The following CPPED1 variants were observed in gnomAD, a reference collection of about 807,000 sequenced individuals.
The protein encoded by CPPED1 is serine/threonine-protein phosphatase CPPED1.
Under a neutral mutation model 28.0 loss-of-function variants are expected in CPPED1, and 28 were observed. The ratio of observed to expected loss-of-function variants is 1.00; its 90% CI spans 0.74 to 1.37. The LOEUF is 1.37. CPPED1 is among the 40% of genes most tolerant of loss of function. The probability of loss-of-function intolerance (pLI) is 0.00; values close to 1 mark genes in which losing one functional copy is unlikely to be tolerated. For missense variants in CPPED1, 504 were observed against 416.5 expected, an observed-to-expected ratio of 1.21 and a Z score of -1.83; for synonymous variants, 198 against 180.2, an observed-to-expected ratio of 1.10 and a Z score of -0.79.
intron 1 of CPPED1, among the ~76,000 whole-genome samples, chr16:12,802,026 G>C (rs2080663171): frequency 6.6e-6 from 1 of 152,100 alleles, no homozygotes; most frequent in African/African-American, 2.4e-5. Flanking sequence ...AATAAATACA[G>C]CTGCCTTTTG....
chr16:12,742,286 G>A (rs1326420576), intron 2 of CPPED1, among the ~76,000 whole-genome samples: 1 of 152,076 alleles, frequency 6.6e-6, no homozygotes, highest in Non-Finnish European at 1.5e-5. Context: ...GTTGCATAGC[G>A]TGACATGTTA....
rs1567308325 is a variant in CPPED1 at position 12,793,555 on chromosome 16, A to AGGAGAATATCT, written c.70+10151_70+10152insAGATATTCTCC. 2.0e-5 allele frequency among the ~76,000 whole-genome samples: 3 copies of AGGAGAATATCT among 152,298 alleles called. No homozygotes were observed. In the East Asian group the frequency reaches 5.8e-4, roughly 29 times the overall value. ...TCTGGGACTCAGTCTCCTTATCTGCACAGTAGGAATAACAGCTCCTACCTC... is the reference window on the plus strand; with the variant it reads ...TCTGGGACTCAGTCTCCTTATCTGCAGGAGAATATCTCAGTAGGAATAACAGCTCCTACCTC... On this transcript the variant is annotated intron_variant, in intron 1 of 3. Coordinates refer to ENST00000381774, the MANE Select transcript of CPPED1 (RefSeq NM_018340.3).
At chr16:12,728,786 G>T (rs1298607829) in intron 2 of CPPED1, among the ~76,000 whole-genome samples, 2 of 152,206 alleles carry the variant, frequency 1.3e-5, no homozygotes, top group Admixed American at 1.3e-4. Context: ...GGCCTGGCCA[G>T]TTCTGTGAGG....
chr16:12,800,960 C>T (rs933376081), intron 1 of CPPED1, among the ~76,000 whole-genome samples: 1 of 152,170 alleles, frequency 6.6e-6, no homozygotes. Flanking sequence ...TTTTTGTGCC[C>T]TAGCTTTGTA....
chr16:12,794,842 GC>G (rs1166996052), intron 1 of CPPED1, among the ~76,000 whole-genome samples: 1 of 152,152 alleles, frequency 6.6e-6, no homozygotes, highest in Non-Finnish European at 1.5e-5. Flanking sequence ...CTGAGTCATG[GC>G]TTGGCTGCCA....
chr16:12,783,270 G>A (rs929844957), intron 1 of CPPED1, among the ~76,000 whole-genome samples: 1 of 152,186 alleles, frequency 6.6e-6, no homozygotes, highest in Non-Finnish European at 1.5e-5. Flanking sequence ...GGCCAAGGCG[G>A]GCAGATTACT....
chr16:12,737,853 T>C (rs1414749024), intron 2 of CPPED1, among the ~76,000 whole-genome samples: 2 of 152,200 alleles, frequency 1.3e-5, no homozygotes, highest in East Asian at 1.9e-4. Context: ...CTTCTTGGTC[T>C]TCTTGGCATT....
intron 3 of CPPED1, among the ~76,000 whole-genome samples, chr16:12,697,234 A>C (rs2079996247): frequency 1.3e-5 from 2 of 152,278 alleles, no homozygotes; most frequent in South Asian, 4.2e-4. Context: ...CATGTTGGCC[A>C]GGCTGGTCTC....
At chr16:12,694,576 A>T (rs1169248018) in intron 3 of CPPED1, among the ~76,000 whole-genome samples, 2 of 152,182 alleles carry the variant, frequency 1.3e-5, no homozygotes, top group Non-Finnish European at 2.9e-5. Context: ...CTAGTGTGTG[A>T]TGTTTTGCGG....
intron 2 of CPPED1, among the ~76,000 whole-genome samples, chr16:12,735,955 G>C (rs2080224583): frequency 6.6e-6 from 1 of 152,168 alleles, no homozygotes; most frequent in Non-Finnish European, 1.5e-5. Context: ...GTTACACCTG[G>C]AGACCATTAT....
intron 2 of CPPED1, among the ~76,000 whole-genome samples, chr16:12,749,233 C>G (rs1472623840): frequency 6.6e-6 from 1 of 152,232 alleles, no homozygotes; most frequent in Admixed American, 6.5e-5. Flanking sequence ...AGTGAATTAT[C>G]TGAAACAATG....
chr16:12,726,342 T>C (rs1397074446), intron 2 of CPPED1, among the ~76,000 whole-genome samples: 2 of 5,490 alleles, frequency 3.6e-4, no homozygotes, highest in East Asian at 2.7e-3. Flanking sequence ...ACCCAGCCCT[T>C]TTTTTTTTTT....
intron 2 of CPPED1, among the ~76,000 whole-genome samples, chr16:12,721,601 A>G (rs2080140423): frequency 6.6e-6 from 1 of 152,046 alleles, no homozygotes. Flanking sequence ...AAAAATAAAA[A>G]AATTAGCCGG....
At chr16:12,678,963 A>T (rs1020586774) in intron 3 of CPPED1, among the ~76,000 whole-genome samples, 1 of 152,176 alleles carries the variant, frequency 6.6e-6, no homozygotes, top group Non-Finnish European at 1.5e-5. Flanking sequence ...TTATAAATTT[A>T]GTTTTCATAT....
chr16:12,744,272 G>A (rs1410487953), intron 2 of CPPED1, among the ~76,000 whole-genome samples: 3 of 127,902 alleles, frequency 2.3e-5, no homozygotes, highest in South Asian at 2.7e-4. Context: ...CTCTGTGAAA[G>A]AGAGAGAGAG....
Position 12,664,475 on chromosome 16 carries a change from A to C in CPPED1, c.*411T>G. On this transcript the variant is annotated 3_prime_UTR_variant, in exon 4 of 4. Transcript: ENST00000381774. This position sits in a 1 kb window ranked among gnomAD's most constrained non-coding sequence, Gnocchi z 4.2. The stretch of plus-strand genomic sequence containing the variant: ...GGGAATCGTGACCACAATTTAATAC[A>C]ATCAGGTGTAGTTTGTTTAAGGAAT... 9.8e-7 allele frequency: 1 copy of C among 1,021,618 alleles called. No homozygotes were observed. Among genetic ancestry groups the C allele is most frequent in the Non-Finnish European group, 1.2e-6 (1 of 853,806 alleles). The allele number at this position is 1,021,618 out of a possible 1,614,324, so 63.3% of individuals were successfully genotyped here. A position where few individuals can be genotyped will look rare whatever the true frequency, so the allele number is the denominator to read the frequency against.
At chr16:12,743,285 T>C (rs922234697) in intron 2 of CPPED1, among the ~76,000 whole-genome samples, 1 of 151,818 alleles carries the variant, frequency 6.6e-6, no homozygotes, top group African/African-American at 2.4e-5. Flanking sequence ...CATAACCAAG[T>C]GGAAAAAAAA....
intron 2 of CPPED1, among the ~76,000 whole-genome samples, chr16:12,744,332 G>GCAAGCAAGCAAT (rs1555488307): frequency 4.6e-5 from 7 of 152,146 alleles, no homozygotes; most frequent in Middle Eastern, 3.4e-3. Context: ...AAGCAAGCAA[G>GCAAGCAAGCAAT]CAAGCAAGCA....
intron 2 of CPPED1, among the ~76,000 whole-genome samples, chr16:12,744,270 A>AAGAGAG (rs112990748): frequency 7.1e-6 from 1 of 139,906 alleles, no homozygotes; most frequent in Non-Finnish European, 1.5e-5. Context: ...GACTCTGTGA[A>AAGAGAG]AGAGAGAGAG....
Sources: allele counts gnomAD v4.1 joint callset (sites outside exome capture counted in the v4.1 genomes callset), GRCh38; gene constraint gnomAD v4.1.1; non-coding constraint Gnocchi (gnomAD v3.1); transcripts MANE v1.5; gene names NCBI Gene and HGNC (gene_info 2026-07-23, HGNC 2026-07-21).